Variants in NFKB1 observed in about 807,000 individuals in gnomAD.
NFKB1 encodes the protein nuclear factor kappa B subunit 1.
In NFKB1, 9 loss-of-function variants were observed where a neutral mutation model predicts 105.1. That is an observed-to-expected ratio of 0.09 (90% CI 0.05 to 0.15). The LOEUF (loss-of-function observed/expected upper bound fraction) is 0.15. NFKB1 is among the 10% of genes least tolerant of loss of function. NFKB1 has a pLI of 1.00. For missense variants in NFKB1, 830 were observed against 1,203.7 expected, an observed-to-expected ratio of 0.69 and a Z score of 4.59; for synonymous variants, 440 against 442.2, an observed-to-expected ratio of 1.00 and a Z score of 0.06.
At chr4:102,541,194 G>A (rs1036898680) in intron 5 of NFKB1, among the ~76,000 whole-genome samples, 1 of 152,100 alleles carries the variant, frequency 6.6e-6, no homozygotes, top group Non-Finnish European at 1.5e-5. Flanking sequence ...TCTCCACATT[G>A]ACAAATGTCC....
chr4:102,561,190 C>A (rs1723396130), intron 5 of NFKB1, among the ~76,000 whole-genome samples: 2 of 151,892 alleles, frequency 1.3e-5, no homozygotes, highest in African/African-American at 4.8e-5. Context: ...AAGTAATAAA[C>A]AATAAAGCCT....
At chr4:102,514,088 C>T (rs1387760173) in intron 1 of NFKB1, among the ~76,000 whole-genome samples, 1 of 151,692 alleles carries the variant, frequency 6.6e-6, no homozygotes, top group East Asian at 1.9e-4. Context: ...GGCAGGAGAA[C>T]AGCGTGAACC....
At chr4:102,584,243 T>C (rs995097858) in intron 10 of NFKB1, among the ~76,000 whole-genome samples, 1 of 152,202 alleles carries the variant, frequency 6.6e-6, no homozygotes, top group Non-Finnish European at 1.5e-5. Context: ...GATGCCAATG[T>C]AAGCAATGTT....
chr4:102,554,055 A>T (rs866428981), intron 5 of NFKB1, among the ~76,000 whole-genome samples: 23 of 152,016 alleles, frequency 1.5e-4, no homozygotes, highest in African/African-American at 5.6e-4. Context: ...TGATCTTTGG[A>T]TGTTGTCTTC....
At chr4:102,561,970 G>A (rs1578764610) in intron 5 of NFKB1, among the ~76,000 whole-genome samples, 1 of 152,286 alleles carries the variant, frequency 6.6e-6, no homozygotes, top group East Asian at 1.9e-4. Context: ...GGGCTAAAGT[G>A]GTGAGGAGGG....
intron 17 of NFKB1, 94 bp downstream of exon 17, chr4:102,606,791 A>G (rs2149221133): frequency 7.4e-7 from 1 of 1,359,198 alleles, no homozygotes; most frequent in Admixed American, 2.0e-5. Flanking sequence ...ATTTGCACCC[A>G]AAAGTGCTTT....
chr4:102,579,550 G>A (rs1014691533), intron 8 of NFKB1, among the ~76,000 whole-genome samples: 1 of 151,028 alleles, frequency 6.6e-6, no homozygotes, highest in Non-Finnish European at 1.5e-5. Flanking sequence ...TTGGCGTCAT[G>A]CCCTGTAGTC....
intron 5 of NFKB1, among the ~76,000 whole-genome samples, chr4:102,539,129 C>CAGGAG (rs1553929971): frequency 6.7e-6 from 1 of 149,706 alleles, no homozygotes; most frequent in Admixed American, 6.8e-5. Flanking sequence ...CCCAGCTAGT[C>CAGGAG]AGGAGGCTGA....
chr4:102,580,565 T>C lies in NFKB1; in HGVS notation c.761T>C (p.Val254Ala). ...CCCAATGCATCCAACTTGAAAATTG[T>C]AAGAATGGACAGGACAGCTGGATGT... is the stretch of plus-strand genomic sequence containing the variant. ...KAPNASNLKIVRMDRTAGCVT... is the reference protein window; with the variant it reads ...KAPNASNLKIARMDRTAGCVT... The change falls in exon 9 of 24, where the codon GTA becomes GCA. Residue 254 changes from valine (V) to alanine (A), a missense_variant. This residue lies in a region of NFKB1 where 42 missense variants were observed against 145.7 expected (regional missense o/e 0.29). Transcript: ENST00000226574. 6.2e-7 allele frequency: 1 copy of C among 1,613,972 alleles called. No individual in the cohort carries two copies. The highest frequency in any genetic ancestry group is 8.5e-7 in the Non-Finnish European group (1 of 1,179,890).
At chr4:102,593,037 A>G (rs541121826) in intron 11 of NFKB1, among the ~76,000 whole-genome samples, 1 of 152,298 alleles carries the variant, frequency 6.6e-6, no homozygotes, top group Non-Finnish European at 1.5e-5. Flanking sequence ...CTCATTGTAG[A>G]TGCATAATAA....
intron 4 of NFKB1, among the ~76,000 whole-genome samples, chr4:102,537,267 A>C (rs977922821): frequency 6.6e-6 from 1 of 152,160 alleles, no homozygotes; most frequent in Non-Finnish European, 1.5e-5. Flanking sequence ...TTCAATCTTG[A>C]GCTTGACCAT....
intron 5 of NFKB1, among the ~76,000 whole-genome samples, chr4:102,546,523 T>C (rs910596568): frequency 1.2e-4 from 18 of 152,196 alleles, no homozygotes; most frequent in African/African-American, 4.3e-4. Context: ...TTTTCTTTAA[T>C]GCATAGCTGA....
In NFKB1 at chr4:102,533,903, G is replaced by A. The variant is rs1451329563; in HGVS notation, c.159+18G>A. On this transcript the variant is annotated intron_variant, in intron 4 of 23. Transcript: ENST00000226574. ...CTAAACAGGTAAGATTAAAGGGGTG[G>A]GACTTTAAATGTTAGATTCCAGTGT... 1 of 1,603,868 alleles carries A rather than the reference G, an allele frequency of 6.2e-7. No homozygotes were observed. Among genetic ancestry groups the A allele is most frequent in the East Asian group, 2.2e-5 (1 of 44,698 alleles).
At chr4:102,586,463 AAG>A (rs1725721459) in intron 11 of NFKB1, among the ~76,000 whole-genome samples, 1 of 149,482 alleles carries the variant, frequency 6.7e-6, no homozygotes, top group Non-Finnish European at 1.5e-5. Flanking sequence ...ACTGGAACTC[AAG>A]AGAGGACAGG....
Position 102,551,335 on chromosome 4 carries a change from A to T in NFKB1, c.258+13379A>T, listed in dbSNP as rs76195006. Among the ~76,000 whole-genome samples, 683 of 147,132 alleles carry T rather than the reference A, an allele frequency of 4.6e-3. 5 individuals are homozygous for T. The highest frequency in any genetic ancestry group is 0.015 in the African/African-American group (574 of 37,868). ...TGCTGGAGGAATCCCTCTTCAAAGG[A>T]TATTCTAAATTGGTGTGTGTGTGTG... is the stretch of plus-strand genomic sequence containing the variant. On this transcript the variant is annotated intron_variant, in intron 5 of 23. Transcript: ENST00000226574.
intron 5 of NFKB1, among the ~76,000 whole-genome samples, chr4:102,543,636 G>A (rs1420428293): frequency 4.7e-5 from 7 of 149,316 alleles, no homozygotes; most frequent in Non-Finnish European, 7.4e-5. Context: ...CACTCTTCGT[G>A]CCTTTCCTTA....
chr4:102,606,397 C>A, intron 16 of NFKB1, 99 bp from the exon 17 acceptor site: 1 of 1,107,794 alleles, frequency 9.0e-7, no homozygotes, highest in Non-Finnish European at 1.4e-6. Context: ...AATATTCCTG[C>A]AGTATGGCCC....
At chr4:102,546,092 A>G (rs980734418) in intron 5 of NFKB1, among the ~76,000 whole-genome samples, 2 of 152,254 alleles carry the variant, frequency 1.3e-5, no homozygotes, top group Admixed American at 1.3e-4. Flanking sequence ...TGTCTCTATA[A>G]AAAAAATTTT....
At position 102,538,768 on chromosome 4, in the gene NFKB1, A is replaced by G. The variant is rs146111378; in HGVS notation, c.258+812A>G. On this transcript the variant is annotated intron_variant, in intron 5 of 23. Transcript: ENST00000226574. Reference sequence around the variant, plus strand: ...CAGATAAACGCAGTCAACAATTGTAATTTAGTTTTTTATAAAAGTTATTAT... The same window carrying G: ...CAGATAAACGCAGTCAACAATTGTAGTTTAGTTTTTTATAAAAGTTATTAT... Among the ~76,000 whole-genome samples the G allele has an allele frequency of 3.4e-3, 514 of 152,342 alleles. 2 individuals are homozygous for G. Among genetic ancestry groups the G allele is most frequent in the African/African-American group, 0.012 (501 of 41,586 alleles).
Sources: allele counts gnomAD v4.1 joint callset (sites outside exome capture counted in the v4.1 genomes callset), GRCh38; gene constraint gnomAD v4.1.1; regional missense constraint gnomAD v4.1.1; transcripts MANE v1.5; gene names NCBI Gene and HGNC (gene_info 2026-07-23, HGNC 2026-07-21).